The following RNF169 variants were observed in gnomAD, a reference collection of about 807,000 sequenced individuals.
The protein encoded by RNF169 is E3 ubiquitin-protein ligase RNF169.
In RNF169, 24 loss-of-function variants were observed where a neutral mutation model predicts 53.9. The observed-to-expected ratio is 0.45, with a 90% CI of 0.32 to 0.63. RNF169 has a LOEUF of 0.63. RNF169 is among the 20% of genes least tolerant of loss of function. RNF169 has a pLI of 0.04. For missense variants in RNF169, 883 were observed against 906.2 expected (o/e 0.97, Z 0.33); for synonymous variants, 396 against 363.5 (o/e 1.09, Z -1.02).
chr11:74,795,183 TG>T (rs202149069), intron 2 of RNF169, among the ~76,000 whole-genome samples: 3 of 146,358 alleles, frequency 2.0e-5, no homozygotes, highest in Non-Finnish European at 4.5e-5. Context: ...TTTTTTTGGG[TG>T]GGGGGGTGGT....
rs1311598617 is a variant in RNF169 at position 74,841,874 on chromosome 11, A to C, written c.*5144A>C. The C allele has an allele frequency of 6.6e-6, 1 of 152,286 alleles. No individual in the cohort carries two copies. Among genetic ancestry groups the C allele is most frequent in the Non-Finnish European group, 1.5e-5 (1 of 68,044 alleles). 9.4% of individuals were successfully genotyped at this position (152,286 alleles called of 1,614,324 possible). A position where few individuals can be genotyped will look rare whatever the true frequency, so the allele number is the denominator to read the frequency against. ...CACCACCCTCCAAAGCTGTGCCACC[A>C]ATGAGAGCATTGGGTTCAAGTTTGC... On this transcript the variant is annotated 3_prime_UTR_variant, in exon 6 of 6. Transcript: ENST00000299563.
At chr11:74,793,519 T>C (rs1281615322) in intron 2 of RNF169, among the ~76,000 whole-genome samples, 1 of 152,218 alleles carries the variant, frequency 6.6e-6, no homozygotes, top group African/African-American at 2.4e-5. Context: ...TATTACTTTA[T>C]TTAAAAATCC....
chr11:74,812,599 G>A (rs531556153), intron 3 of RNF169, among the ~76,000 whole-genome samples: 6 of 152,210 alleles, frequency 3.9e-5, no homozygotes, highest in African/African-American at 1.4e-4. Flanking sequence ...TCATGCCAGT[G>A]TGCCTGGGCT....
In RNF169 at chr11:74,768,133, A is replaced by G. The variant is rs190162366; in HGVS notation, c.502+18751A>G. Among the ~76,000 whole-genome samples the G allele has an allele frequency of 5.0e-3, 757 of 152,354 alleles. 5 individuals are homozygous for G. The highest frequency in any genetic ancestry group is 0.017 in the African/African-American group (716 of 41,594). On this transcript the variant is annotated intron_variant, in intron 1 of 5. Transcript: ENST00000299563. Reference sequence around the variant, plus strand: ...ATTAAGACAGTGAAGTATTGGTATCAGGGTGGTTGAATAATTAATGTTAAA... The same window carrying G: ...ATTAAGACAGTGAAGTATTGGTATCGGGGTGGTTGAATAATTAATGTTAAA...
intron 1 of RNF169, among the ~76,000 whole-genome samples, chr11:74,764,204 G>T (rs866214262): frequency 2.7e-4 from 41 of 152,248 alleles, no homozygotes; most frequent in Admixed American, 2.2e-3. Flanking sequence ...CTTCAGCCTT[G>T]AGAGAGATCT....
chr11:74,799,286 T>C (rs1397532334), intron 2 of RNF169, among the ~76,000 whole-genome samples: 15 of 152,072 alleles, frequency 9.9e-5, no homozygotes. Context: ...CTCAATAGAA[T>C]GTTTAAATTT....
chr11:74,772,187 A>G (rs34597032), intron 1 of RNF169, among the ~76,000 whole-genome samples: 3,707 of 152,276 alleles, frequency 0.024, 162 homozygotes, highest in African/African-American at 0.085. Context: ...TTTTTAAAAA[A>G]ATCACTTTTA....
chr11:74,811,876 G>A (rs2035880705), intron 3 of RNF169, among the ~76,000 whole-genome samples: 1 of 152,180 alleles, frequency 6.6e-6, no homozygotes, highest in Non-Finnish European at 1.5e-5. Context: ...TGTATGACTA[G>A]TAGCTCCAGC....
chr11:74,811,305 G>T (rs938911623), intron 3 of RNF169, among the ~76,000 whole-genome samples: 2 of 152,142 alleles, frequency 1.3e-5, no homozygotes, highest in African/African-American at 4.8e-5. Flanking sequence ...GCAGGGGTGT[G>T]ATCATGGTTC....
chr11:74,832,654 T>C (rs2036197740), intron 4 of RNF169: 1 of 152,192 alleles, frequency 6.6e-6, no homozygotes, highest in South Asian at 2.1e-4. Flanking sequence ...TAAAAAAGTC[T>C]TTCTCAGGTT....
At chr11:74,827,151 A>G (rs989064670) in intron 4 of RNF169, among the ~76,000 whole-genome samples, 2 of 152,178 alleles carry the variant, frequency 1.3e-5, no homozygotes. Flanking sequence ...TGTGTAATCT[A>G]GGTGAAGGTT....
chr11:74,793,779 T>C (rs2135090774), intron 2 of RNF169, among the ~76,000 whole-genome samples: 1 of 152,328 alleles, frequency 6.6e-6, no homozygotes, highest in Admixed American at 6.5e-5. Context: ...GCATGTGTTG[T>C]AGTTAGTTGT....
At position 74,754,102 on chromosome 11, in the gene RNF169, G is replaced by A. The variant is rs74653143; in HGVS notation, c.502+4720G>A. ...ATTTTGAGCAATATTCAGGAATTAT[G>A]TAATATGTGTCTACTCTGTGCCAGG... On this transcript the variant is annotated intron_variant, in intron 1 of 5. Transcript: ENST00000299563. Among the ~76,000 whole-genome samples the A allele has an allele frequency of 3.7e-4, 56 of 152,262 alleles. No individual in the cohort carries two copies. In the East Asian group the frequency reaches 0.01, roughly 28 times the overall value.
In RNF169 at chr11:74,834,660, A is replaced by T. The variant is rs758503348; in HGVS notation, c.843-16A>T. 1 of 1,594,110 alleles carries T rather than the reference A, an allele frequency of 6.3e-7. No individual in the cohort carries two copies. The highest frequency in any genetic ancestry group is 1.8e-5 in the Admixed American group (1 of 56,586). On this transcript the variant is annotated splice_polypyrimidine_tract_variant and intron_variant, in intron 4 of 5. Coordinates refer to ENST00000299563, the MANE Select transcript of RNF169 (RefSeq NM_001098638.2). ...GACTAATTTTGACTACTCGTTTTTTATTTATTCTTTTTTAGGAAGCTAAAC... is the reference window on the plus strand; with the variant it reads ...GACTAATTTTGACTACTCGTTTTTTTTTTATTCTTTTTTAGGAAGCTAAAC...
chr11:74,798,704 C>T (rs1051461872), intron 2 of RNF169, among the ~76,000 whole-genome samples: 30 of 152,124 alleles, frequency 2.0e-4, no homozygotes, highest in African/African-American at 2.7e-4. Flanking sequence ...CTGGTTTTTG[C>T]GGCTTGGGCA....
intron 1 of RNF169, among the ~76,000 whole-genome samples, chr11:74,771,738 C>G (rs1334580821): frequency 6.6e-6 from 1 of 151,998 alleles, no homozygotes; most frequent in Non-Finnish European, 1.5e-5. Flanking sequence ...TACCTCCAGG[C>G]TGTGTATATA....
At chr11:74,829,300 T>TCA (rs1372717114) in intron 4 of RNF169, among the ~76,000 whole-genome samples, 3 of 152,176 alleles carry the variant, frequency 2.0e-5, no homozygotes, top group Non-Finnish European at 4.4e-5. Context: ...AGATACCATC[T>TCA]CACACCAGTC....
chr11:74,799,508 G>T (rs2035699883), intron 2 of RNF169, among the ~76,000 whole-genome samples: 1 of 152,124 alleles, frequency 6.6e-6, no homozygotes, highest in Admixed American at 6.5e-5. Context: ...GGTTATTTCT[G>T]CAGTGTGCTG....
intron 4 of RNF169, among the ~76,000 whole-genome samples, chr11:74,832,925 GCTGA>G (rs1231550674): frequency 7.2e-5 from 11 of 152,082 alleles, no homozygotes; most frequent in Admixed American, 7.2e-4. Context: ...TACCAATCAA[GCTGA>G]CTTTTACACA....
Sources: allele counts gnomAD v4.1 joint callset (sites outside exome capture counted in the v4.1 genomes callset), GRCh38; gene constraint gnomAD v4.1.1; transcripts MANE v1.5; gene names NCBI Gene and HGNC (gene_info 2026-07-23, HGNC 2026-07-21).